The following NALF1 variants were observed in gnomAD, a reference collection of about 807,000 sequenced individuals.
NALF1 encodes NALCN channel auxiliary factor 1.
A neutral mutation model predicts 48.4 loss-of-function variants in NALF1; 3 were observed. That is an observed-to-expected ratio of 0.06 (90% CI 0.03 to 0.16). The LOEUF is 0.16. NALF1 is among the 10% of genes least tolerant of loss of function. The probability of loss-of-function intolerance (pLI) is 1.00; values close to 1 mark genes in which losing one functional copy is unlikely to be tolerated. For missense variants in NALF1, 526 were observed against 571.5 expected (o/e 0.92, Z 0.81); for synonymous variants, 262 against 245.7 (o/e 1.07, Z -0.62).
intron 1 of NALF1, among the ~76,000 whole-genome samples, chr13:107,469,228 T>A (rs903040941): frequency 6.6e-5 from 10 of 152,234 alleles, no homozygotes; most frequent in African/African-American, 2.2e-4. Context: ...TTTTTCAACC[T>A]AAGCTGCATA....
intron 1 of NALF1, among the ~76,000 whole-genome samples, chr13:107,500,435 A>G (rs1471633637): frequency 6.6e-6 from 1 of 151,954 alleles, no homozygotes; most frequent in Non-Finnish European, 1.5e-5. Flanking sequence ...AATGGCAATC[A>G]TTAAAAAGTC....
At chr13:107,806,176 T>C (rs1339073016) in intron 1 of NALF1, among the ~76,000 whole-genome samples, 2 of 152,136 alleles carry the variant, frequency 1.3e-5, no homozygotes, top group African/African-American at 4.8e-5. Flanking sequence ...TAGATTCCAA[T>C]ACCAAAGACT....
intron 1 of NALF1, among the ~76,000 whole-genome samples, chr13:107,588,020 G>T (rs1253379215): frequency 6.6e-6 from 1 of 152,082 alleles, no homozygotes; most frequent in Non-Finnish European, 1.5e-5. Flanking sequence ...TTTACCAAGA[G>T]ACTTTATTCC....
intron 1 of NALF1, among the ~76,000 whole-genome samples, chr13:107,477,834 A>C (rs1287105041): frequency 6.6e-6 from 1 of 152,084 alleles, no homozygotes; most frequent in Non-Finnish European, 1.5e-5. Flanking sequence ...CAACCCAGGA[A>C]TGTCTTTCTC....
intron 1 of NALF1, among the ~76,000 whole-genome samples, chr13:107,636,092 A>G (rs1879969127): frequency 6.6e-6 from 1 of 152,114 alleles, no homozygotes; most frequent in Admixed American, 6.6e-5. Context: ...AATGGCAAAA[A>G]CCATGATTAC....
At chr13:107,793,059 A>G (rs576458259) in intron 1 of NALF1, among the ~76,000 whole-genome samples, 6 of 152,316 alleles carry the variant, frequency 3.9e-5, no homozygotes, top group Admixed American at 6.5e-5. Flanking sequence ...ACCACAAATA[A>G]AACCTTTCTT....
chr13:107,400,107 G>C (rs536787983), intron 1 of NALF1, among the ~76,000 whole-genome samples: 1 of 152,156 alleles, frequency 6.6e-6, no homozygotes, highest in East Asian at 1.9e-4. Flanking sequence ...TGTACCATAT[G>C]TCTCATGCAG....
intron 1 of NALF1, among the ~76,000 whole-genome samples, chr13:107,215,052 T>C (rs2138809226): frequency 6.6e-6 from 1 of 152,242 alleles, no homozygotes; most frequent in African/African-American, 2.4e-5. Context: ...CGTCGGGGTC[T>C]CTGGAGTCAC....
chr13:107,667,770 C>T (rs944741409), intron 1 of NALF1, among the ~76,000 whole-genome samples: 3 of 152,064 alleles, frequency 2.0e-5, no homozygotes, highest in Non-Finnish European at 2.9e-5. Flanking sequence ...TAAATCCCTA[C>T]AAAACATTTG....
chr13:107,274,386 C>T (rs80078708), intron 1 of NALF1, among the ~76,000 whole-genome samples: 2,667 of 152,088 alleles, frequency 0.018, 87 homozygotes, highest in African/African-American at 0.061. Context: ...ACCTGGGAAA[C>T]GAAATGGGAC....
At chr13:107,817,715 A>G (rs1217238659) in intron 1 of NALF1, among the ~76,000 whole-genome samples, 4 of 152,098 alleles carry the variant, frequency 2.6e-5, no homozygotes, top group Non-Finnish European at 5.9e-5. Flanking sequence ...TAAATGATTT[A>G]TTTCACCCTT....
chr13:107,813,033 G>A (rs567412855), intron 1 of NALF1, among the ~76,000 whole-genome samples: 1 of 152,210 alleles, frequency 6.6e-6, no homozygotes, highest in East Asian at 1.9e-4. Context: ...TGGGATTACA[G>A]GTGTGAGCAC....
intron 1 of NALF1, among the ~76,000 whole-genome samples, chr13:107,569,807 C>A (rs553515104): frequency 6.6e-6 from 1 of 152,212 alleles, no homozygotes; most frequent in African/African-American, 2.4e-5. Context: ...ATAGCAGTTG[C>A]CTTAAACCTG....
intron 1 of NALF1, among the ~76,000 whole-genome samples, chr13:107,648,548 G>T (rs1880370429): frequency 6.6e-6 from 1 of 152,082 alleles, no homozygotes; most frequent in African/African-American, 2.4e-5. Flanking sequence ...ATATTCCATT[G>T]TATAGATATA....
intron 1 of NALF1, among the ~76,000 whole-genome samples, chr13:107,473,383 T>G (rs201935469): frequency 1.1e-3 from 168 of 152,308 alleles, no homozygotes; most frequent in African/African-American, 3.7e-3. Context: ...TCCTTAGAAG[T>G]CTCACTCTGA....
intron 1 of NALF1, among the ~76,000 whole-genome samples, chr13:107,743,713 A>T (rs531819410): frequency 2.3e-4 from 35 of 152,336 alleles, no homozygotes; most frequent in Non-Finnish European, 4.3e-4. Flanking sequence ...GCAGATTTGT[A>T]TACAGAACAC....
chr13:107,766,073 A>C (rs1477127435), intron 1 of NALF1, among the ~76,000 whole-genome samples: 2 of 152,204 alleles, frequency 1.3e-5, no homozygotes, highest in African/African-American at 4.8e-5. Context: ...CATCGAAGGC[A>C]ACCACTGTTT....
At chr13:107,643,533 T>G in intron 1 of NALF1, among the ~76,000 whole-genome samples, 1 of 128,840 alleles carries the variant, frequency 7.8e-6, no homozygotes, top group Non-Finnish European at 1.7e-5. Flanking sequence ...CCATATACAG[T>G]GTATTTGGTG....
chr13:107,166,890 T>C lies in NALF1; in HGVS notation c.*3607A>G, dbSNP rs1212762145. The C allele has an allele frequency of 6.6e-6, 1 of 152,176 alleles. No individual in the cohort carries two copies. The highest frequency in any genetic ancestry group is 1.5e-5 in the Non-Finnish European group (1 of 68,042). The allele number at this position is 152,176 out of a possible 1,614,324, so 9.4% of individuals were successfully genotyped here. On this transcript the variant is annotated 3_prime_UTR_variant, in exon 3 of 3. Coordinates refer to ENST00000375915, the MANE Select transcript of NALF1 (RefSeq NM_001080396.3). ...TTCTAGTACCTAAGGTACCAATTTA[T>C]TGGTAAGAAACCAAATTACTTTTTG...
Sources: allele counts gnomAD v4.1 joint callset (sites outside exome capture counted in the v4.1 genomes callset), GRCh38; gene constraint gnomAD v4.1.1; transcripts MANE v1.5; gene names NCBI Gene and HGNC (gene_info 2026-07-23, HGNC 2026-07-21).